ZBTB44: variants seen among roughly 807,000 people sequenced by gnomAD.
ZBTB44 encodes zinc finger and BTB domain containing 44, also known as zinc finger and BTB domain-containing protein 44.
In ZBTB44, 15 loss-of-function variants were observed where a neutral mutation model predicts 54.0. That is an observed-to-expected ratio of 0.28 (90% CI 0.19 to 0.43). The LOEUF (loss-of-function observed/expected upper bound fraction) is 0.43, where lower values mean the gene tolerates loss of function less well. Ranked by LOEUF, ZBTB44 falls within the 20% of genes least tolerant of loss-of-function variation. ZBTB44 has a pLI of 1.00. For missense variants in ZBTB44, 487 were observed against 707.1 expected (o/e 0.69, Z 3.53); for synonymous variants, 230 against 250.1 (o/e 0.92, Z 0.76).
intron 1 of ZBTB44, among the ~76,000 whole-genome samples, chr11:130,271,354 G>A (rs1394232335): frequency 6.6e-6 from 1 of 152,128 alleles, no homozygotes; most frequent in African/African-American, 2.4e-5. Flanking sequence ...ATAAACTCAT[G>A]GGTCCTTAGA....
chr11:130,291,840 T>A (rs1015188814), intron 1 of ZBTB44, among the ~76,000 whole-genome samples: 1 of 152,198 alleles, frequency 6.6e-6, no homozygotes, highest in African/African-American at 2.4e-5. Context: ...ATAAACTGCA[T>A]AGTGGACAAT....
At chr11:130,274,761 C>T (rs1181616482) in intron 1 of ZBTB44, among the ~76,000 whole-genome samples, 10 of 152,066 alleles carry the variant, frequency 6.6e-5, no homozygotes, top group African/African-American at 2.4e-4. Flanking sequence ...ATTCAGTTTG[C>T]TAGTACTTTG....
chr11:130,230,412 AGT>A lies in ZBTB44; in HGVS notation c.*1350_*1351del. ...TGGCAAAGTATTTTAACAAGATGAA[AGT>A]TTTTTTTTTTTTTTTTTTTTGCTAG... On this transcript the variant is annotated 3_prime_UTR_variant, in exon 8 of 8. Coordinates refer to ENST00000357899, the MANE Select transcript of ZBTB44 (RefSeq NM_001301098.2). The A allele has an allele frequency of 1.1e-5, 1 of 89,466 alleles. No homozygotes were observed. Among genetic ancestry groups the A allele is most frequent in the African/African-American group, 3.7e-5 (1 of 26,758 alleles). The allele number at this position is 89,466 out of a possible 1,614,324, so 5.5% of individuals were successfully genotyped here.
At chr11:130,251,323 A>T (rs2136358134) in intron 2 of ZBTB44, among the ~76,000 whole-genome samples, 1 of 152,286 alleles carries the variant, frequency 6.6e-6, no homozygotes, top group South Asian at 2.1e-4. Context: ...CGATTGACTG[A>T]GGTCCCTGAA....
intron 1 of ZBTB44, among the ~76,000 whole-genome samples, chr11:130,303,224 A>C (rs1942079135): frequency 1.3e-5 from 2 of 152,198 alleles, no homozygotes; most frequent in Admixed American, 1.3e-4. Flanking sequence ...AGTTCCACAA[A>C]AACTAGATTC....
intron 2 of ZBTB44, among the ~76,000 whole-genome samples, chr11:130,245,355 T>A (rs966482728): frequency 5.3e-5 from 8 of 152,234 alleles, no homozygotes; most frequent in African/African-American, 1.9e-4. Flanking sequence ...ACTGTTTACT[T>A]GTCAGTATCT....
chr11:130,306,762 G>C (rs190716510), intron 1 of ZBTB44, among the ~76,000 whole-genome samples: 2 of 152,128 alleles, frequency 1.3e-5, no homozygotes, highest in African/African-American at 4.8e-5. Flanking sequence ...GGAGTTGTAA[G>C]CCATTATTCT....
At chr11:130,252,415 A>G (rs1310912414) in intron 2 of ZBTB44, among the ~76,000 whole-genome samples, 1 of 152,214 alleles carries the variant, frequency 6.6e-6, no homozygotes, top group African/African-American at 2.4e-5. Context: ...TCAGCTCTGG[A>G]CCAAGCAGAC....
At chr11:130,234,755 T>C (rs1565642027) in intron 5 of ZBTB44, among the ~76,000 whole-genome samples, 1 of 152,208 alleles carries the variant, frequency 6.6e-6, no homozygotes, top group Non-Finnish European at 1.5e-5. Flanking sequence ...CATAATCTAC[T>C]ATAAAGTTGG....
intron 1 of ZBTB44, among the ~76,000 whole-genome samples, chr11:130,268,223 A>T (rs901422260): frequency 3.9e-4 from 53 of 135,388 alleles, no homozygotes; most frequent in Non-Finnish European, 6.2e-4. Flanking sequence ...CGTCTAATTT[A>T]AAAAAAAAAA....
At chr11:130,300,891 G>T (rs548899044) in intron 1 of ZBTB44, among the ~76,000 whole-genome samples, 1 of 152,110 alleles carries the variant, frequency 6.6e-6, no homozygotes, top group African/African-American at 2.4e-5. Flanking sequence ...TAGAGCAAGG[G>T]GGTTAGCTGG....
chr11:130,295,704 G>C, intron 1 of ZBTB44: 2 of 1,522,324 alleles, frequency 1.3e-6, no homozygotes, highest in Non-Finnish European at 1.8e-6. Flanking sequence ...GGAAGGCAGG[G>C]ATCTTCTAGC....
At chr11:130,276,750 C>T (rs181616663) in intron 1 of ZBTB44, among the ~76,000 whole-genome samples, 7 of 152,182 alleles carry the variant, frequency 4.6e-5, no homozygotes, top group African/African-American at 4.8e-5. Context: ...TTATTAAAAG[C>T]GGTATACTGA....
At chr11:130,301,494 C>T (rs1941985217) in intron 1 of ZBTB44, among the ~76,000 whole-genome samples, 1 of 151,922 alleles carries the variant, frequency 6.6e-6, no homozygotes, top group Non-Finnish European at 1.5e-5. Context: ...TAGATGCGGG[C>T]ATCTACAAAA....
intron 1 of ZBTB44, among the ~76,000 whole-genome samples, chr11:130,306,676 C>T (rs540960267): frequency 7.2e-5 from 11 of 152,096 alleles, no homozygotes; most frequent in African/African-American, 2.4e-4. Flanking sequence ...CATCAAACAA[C>T]GAGCAGATAA....
At position 130,261,162 on chromosome 11, in the gene ZBTB44, G is replaced by A; in HGVS notation, c.712C>T (p.Arg238Ter). 1 of 1,613,824 alleles carries A rather than the reference G, an allele frequency of 6.2e-7. No individual in the cohort carries two copies. Among genetic ancestry groups the A allele is most frequent in the Non-Finnish European group, 8.5e-7 (1 of 1,179,860 alleles). ...FPWTFPFGID[R>*]RIQPEKVKQA... ...TTAACTTTCTCAGGCTGAATCCTTCGATCAATTCCAAAAGGAAAAGTCCAA... is the reference window on the plus strand; with the variant it reads ...TTAACTTTCTCAGGCTGAATCCTTCAATCAATTCCAAAAGGAAAAGTCCAA... The change falls in exon 2 of 8, where the codon CGA becomes TGA. Residue 238 changes from arginine to a stop codon, truncating the protein, a stop_gained. Transcript: ENST00000357899. LOFTEE classifies it high-confidence loss of function. This position sits in a 1 kb window ranked among gnomAD's most constrained non-coding sequence, Gnocchi z 4.8.
chr11:130,257,214 G>A (rs1332292729), intron 2 of ZBTB44, among the ~76,000 whole-genome samples: 2 of 134,748 alleles, frequency 1.5e-5, no homozygotes, highest in Non-Finnish European at 3.1e-5. Context: ...CAACTTGCAT[G>A]TTCAGCACAT....
chr11:130,272,047 T>C (rs1939710158), intron 1 of ZBTB44, among the ~76,000 whole-genome samples: 1 of 151,966 alleles, frequency 6.6e-6, no homozygotes, highest in African/African-American at 2.4e-5. Flanking sequence ...CTGGCCAATA[T>C]GGTGAAGCCC....
In ZBTB44 at chr11:130,287,191, C is replaced by T. The variant is rs139380740; in HGVS notation, c.-56-25262G>A. Among the ~76,000 whole-genome samples the T allele has an allele frequency of 5.9e-3, 893 of 152,286 alleles. 12 individuals are homozygous for T. The highest frequency in any genetic ancestry group is 0.02 in the African/African-American group (826 of 41,554). Reference sequence around the variant, plus strand: ...GTCACCCATAGCTTAAAATCTAGTACTCATTTTTGATTCTCCATGCCCCAT... The same window carrying T: ...GTCACCCATAGCTTAAAATCTAGTATTCATTTTTGATTCTCCATGCCCCAT... On this transcript the variant is annotated intron_variant, in intron 1 of 7. Coordinates refer to ENST00000357899, the MANE Select transcript of ZBTB44 (RefSeq NM_001301098.2).
Sources: allele counts gnomAD v4.1 joint callset (sites outside exome capture counted in the v4.1 genomes callset), GRCh38; gene constraint gnomAD v4.1.1; non-coding constraint Gnocchi (gnomAD v3.1); transcripts MANE v1.5; gene names NCBI Gene and HGNC (gene_info 2026-07-23, HGNC 2026-07-21).